Variants in MAPK10 observed in about 807,000 individuals in gnomAD.
MAPK10 encodes the protein JNK3 alpha protein kinase.
MAPK10 carries 25 observed loss-of-function variants against 59.3 expected under a neutral mutation model. The observed-to-expected ratio is 0.42, with a 90% CI of 0.31 to 0.59. The LOEUF (loss-of-function observed/expected upper bound fraction) is 0.59. Among genes scored for constraint, MAPK10 ranks in the 20% least tolerant of loss-of-function variants. The probability of loss-of-function intolerance (pLI) is 0.15; values close to 1 mark genes in which losing one functional copy is unlikely to be tolerated. For synonymous variants in MAPK10, 190 were observed against 200.5 expected, an observed-to-expected ratio of 0.95 and a Z score of 0.44; for missense variants, 351 against 568.9, an observed-to-expected ratio of 0.62 and a Z score of 3.90.
chr4:86,082,373 T>A (rs1337492364), intron 9 of MAPK10: 1 of 152,186 alleles, frequency 6.6e-6, no homozygotes, highest in Admixed American at 6.5e-5. Flanking sequence ...TATAATTTCT[T>A]AAGTAAAAAT....
chr4:86,180,737 A>C (rs982271168), intron 3 of MAPK10, among the ~76,000 whole-genome samples: 3 of 152,100 alleles, frequency 2.0e-5, no homozygotes, highest in Non-Finnish European at 4.4e-5. Flanking sequence ...GTTAAGTGAA[A>C]TAAGAGAAGA....
intron 2 of MAPK10, among the ~76,000 whole-genome samples, chr4:86,258,529 A>T (rs1161390945): frequency 6.6e-6 from 1 of 152,040 alleles, no homozygotes; most frequent in Non-Finnish European, 1.5e-5. Context: ...TCCTTTCACA[A>T]TTACACTGGT....
At chr4:86,440,181 A>G (rs1170768157) in intron 1 of MAPK10, among the ~76,000 whole-genome samples, 1 of 152,210 alleles carries the variant, frequency 6.6e-6, no homozygotes, top group Non-Finnish European at 1.5e-5. Context: ...CCTGGCTGAC[A>G]AAACATATCA....
chr4:86,096,188 AG>A (rs1370945157), intron 9 of MAPK10, among the ~76,000 whole-genome samples: 4 of 151,728 alleles, frequency 2.6e-5, no homozygotes, highest in African/African-American at 9.7e-5. Flanking sequence ...TTAAATGTCT[AG>A]GTTCATACAT....
intron 1 of MAPK10, among the ~76,000 whole-genome samples, chr4:86,520,681 T>C (rs1037467409): frequency 6.6e-6 from 1 of 152,194 alleles, no homozygotes; most frequent in Non-Finnish European, 1.5e-5. Context: ...GGGGGTGTGA[T>C]AGAATCTCGT....
chr4:86,573,191 C>G (rs1043431136), intron 1 of MAPK10, among the ~76,000 whole-genome samples: 2 of 152,018 alleles, frequency 1.3e-5, no homozygotes, highest in Admixed American at 6.6e-5. Context: ...TTATGTCTTA[C>G]CTAAGAAAGC....
At chr4:86,539,951 A>T (rs535979712) in intron 1 of MAPK10, among the ~76,000 whole-genome samples, 5 of 152,358 alleles carry the variant, frequency 3.3e-5, no homozygotes, top group African/African-American at 1.2e-4. Context: ...GCCCTGGATT[A>T]AAAAATTATC....
intron 2 of MAPK10, among the ~76,000 whole-genome samples, chr4:86,321,354 A>G (rs111238211): frequency 0.019 from 2,821 of 150,014 alleles, 45 homozygotes; most frequent in African/African-American, 0.048. Flanking sequence ...AACAATGATA[A>G]ACTGGATTAA....
chr4:86,132,961 T>C (rs990932819), intron 4 of MAPK10, among the ~76,000 whole-genome samples: 1 of 152,198 alleles, frequency 6.6e-6, no homozygotes, highest in Non-Finnish European at 1.5e-5. Context: ...TGTAATGTGC[T>C]TGAATCATCC....
intron 4 of MAPK10, among the ~76,000 whole-genome samples, chr4:86,117,355 CT>C (rs1041738862): frequency 2.0e-4 from 30 of 152,232 alleles, no homozygotes; most frequent in South Asian, 6.2e-4. Flanking sequence ...AACAAACCCC[CT>C]ATTCCCAGTG....
intron 1 of MAPK10, among the ~76,000 whole-genome samples, chr4:86,570,340 T>C (rs1761361727): frequency 6.6e-6 from 1 of 152,170 alleles, no homozygotes; most frequent in African/African-American, 2.4e-5. Flanking sequence ...AGGTAAATAT[T>C]ACAGATAAAT....
chr4:86,236,456 A>G (rs1270959062), intron 2 of MAPK10, among the ~76,000 whole-genome samples: 3 of 152,208 alleles, frequency 2.0e-5, no homozygotes, highest in Non-Finnish European at 4.4e-5. Context: ...ACTTTGGTAA[A>G]TCTGGATAGA....
chr4:86,119,856 G>T (rs1485983680), intron 4 of MAPK10: 2 of 152,238 alleles, frequency 1.3e-5, no homozygotes, highest in East Asian at 3.9e-4. Flanking sequence ...TAAAAGCCTG[G>T]CCACTTCACC....
chr4:86,197,410 G>T (rs550695390), intron 2 of MAPK10, among the ~76,000 whole-genome samples: 7 of 152,214 alleles, frequency 4.6e-5, no homozygotes, highest in African/African-American at 9.6e-5. Context: ...CATTAATTTT[G>T]CATCCTGAGA....
At chr4:86,108,184 A>C (rs2056869133) in intron 4 of MAPK10, among the ~76,000 whole-genome samples, 1 of 152,154 alleles carries the variant, frequency 6.6e-6, no homozygotes. Flanking sequence ...TGAAGCTTTC[A>C]CACCGAGATT....
At chr4:86,232,028 T>C (rs567332059) in intron 2 of MAPK10, among the ~76,000 whole-genome samples, 1 of 152,346 alleles carries the variant, frequency 6.6e-6, no homozygotes, top group African/African-American at 2.4e-5. Flanking sequence ...CCAAACCTTG[T>C]CTGTAAAAAG....
At chr4:86,428,579 GAC>G (rs1747610274) in intron 1 of MAPK10, among the ~76,000 whole-genome samples, 4 of 150,280 alleles carry the variant, frequency 2.7e-5, no homozygotes, top group African/African-American at 1.0e-4. Context: ...TAGATAGATA[GAC>G]AGATAGACAG....
At chr4:86,399,001 C>T (rs989920792) in intron 1 of MAPK10, among the ~76,000 whole-genome samples, 1 of 152,124 alleles carries the variant, frequency 6.6e-6, no homozygotes, top group African/African-American at 2.4e-5. Flanking sequence ...ATTATCCAGT[C>T]CACCGATGCT....
intron 4 of MAPK10, among the ~76,000 whole-genome samples, chr4:86,139,710 G>A (rs2063164583): frequency 1.3e-5 from 2 of 152,094 alleles, no homozygotes; most frequent in Admixed American, 1.3e-4. Context: ...AAGAGCTTCT[G>A]CACAGCAAAA....
Sources: gnomAD v4.1 joint callset for allele counts (sites outside exome capture counted in the v4.1 genomes callset) on GRCh38, gnomAD v4.1.1 for gene constraint, MANE v1.5 for transcripts, NCBI Gene and HGNC (gene_info 2026-07-23, HGNC 2026-07-21) for gene names.